ZMYM2: variants seen among roughly 807,000 people sequenced by gnomAD.
ZMYM2 encodes the protein zinc finger MYM-type containing 2, also known as zinc finger MYM-type protein 2.
In ZMYM2, 56 loss-of-function variants were observed where a neutral mutation model predicts 162.8. That is an observed-to-expected ratio of 0.34 (90% CI 0.28 to 0.43). The LOEUF is 0.43. Ranked by LOEUF, ZMYM2 falls within the 20% of genes least tolerant of loss-of-function variation. The probability of loss-of-function intolerance (pLI) is 1.00; values close to 1 mark genes in which losing one functional copy is unlikely to be tolerated. For missense variants in ZMYM2, 1,275 were observed against 1,621.8 expected, an observed-to-expected ratio of 0.79 and a Z score of 3.67; for synonymous variants, 510 against 541.6, an observed-to-expected ratio of 0.94 and a Z score of 0.81.
chr13:19,885,860 A>AT, the ZMYM2 span, among the ~76,000 whole-genome samples: 15,461 of 52,192 alleles, frequency 0.3, 4,393 homozygotes, highest in Non-Finnish European at 0.39. Context: ...AAAAAAAAAA[A>AT]AAATATATAT....
intron 2 of ZMYM2, among the ~76,000 whole-genome samples, chr13:19,984,520 C>G (rs769600855): frequency 6.6e-6 from 1 of 152,142 alleles, no homozygotes; most frequent in Non-Finnish European, 1.5e-5. Context: ...ATTTTTATAC[C>G]ATTTACTGTA....
rs142955254 is a variant in ZMYM2 at position 20,021,447 on chromosome 13, T to C, written c.1584+1829T>C. 4.0e-5 allele frequency among the ~76,000 whole-genome samples: 6 copies of C among 151,736 alleles called. No individual in the cohort carries two copies. The East Asian group carries it at 9.7e-4, about 25-fold the overall frequency. On this transcript the variant is annotated intron_variant, in intron 7 of 24. Transcript: ENST00000610343. Reference sequence around the variant, plus strand: ...TTGTGAATTTCACATTATTGGTTGCTGGATTTTGTTGTATTATTTTAAATG... The same window carrying C: ...TTGTGAATTTCACATTATTGGTTGCCGGATTTTGTTGTATTATTTTAAATG...
At chr13:20,061,612 G>A (rs1049467837) in intron 17 of ZMYM2, among the ~76,000 whole-genome samples, 1 of 150,256 alleles carries the variant, frequency 6.7e-6, no homozygotes, top group African/African-American at 2.4e-5. Context: ...TTTTTTAGAT[G>A]AACTCTTGCT....
the ZMYM2 span, among the ~76,000 whole-genome samples, chr13:19,904,678 A>T: frequency 6.6e-6 from 1 of 152,188 alleles, no homozygotes; most frequent in East Asian, 1.9e-4. Context: ...GAGCATTGTC[A>T]ACATTTTGGC....
At chr13:19,920,913 C>A in the ZMYM2 span, among the ~76,000 whole-genome samples, 2 of 151,808 alleles carry the variant, frequency 1.3e-5, no homozygotes, top group African/African-American at 4.8e-5. Flanking sequence ...CAGGTGCATG[C>A]CACCATGCCC....
At chr13:19,901,018 T>G in the ZMYM2 span, among the ~76,000 whole-genome samples, 2 of 152,140 alleles carry the variant, frequency 1.3e-5, no homozygotes, top group Non-Finnish European at 2.9e-5. Context: ...AGACAGCTAT[T>G]CTCTTCTCAA....
intron 18 of ZMYM2, among the ~76,000 whole-genome samples, chr13:20,063,192 C>T (rs1956360804): frequency 6.6e-6 from 1 of 151,510 alleles, no homozygotes; most frequent in African/African-American, 2.4e-5. Context: ...CACTTGAGTC[C>T]AGGAGTTCAA....
At chr13:19,877,384 G>A in the ZMYM2 span, among the ~76,000 whole-genome samples, 74 of 152,268 alleles carry the variant, frequency 4.9e-4, 1 homozygote, top group African/African-American at 1.6e-3. Context: ...AAGAAAGAGA[G>A]AAAGCAAGAG....
At chr13:19,901,766 C>G in the ZMYM2 span, among the ~76,000 whole-genome samples, 1 of 152,032 alleles carries the variant, frequency 6.6e-6, no homozygotes, top group Admixed American at 6.6e-5. Context: ...TGAGCTACCG[C>G]GCCTGGCCCA....
At chr13:20,051,322 C>CT (rs1955323024) in intron 12 of ZMYM2, 111 bp from the exon 13 acceptor site, 1 of 683,586 alleles carries the variant, frequency 1.5e-6, no homozygotes, top group African/African-American at 2.1e-5. Context: ...TATAGTTCTA[C>CT]TTTTTCTGTA....
At chr13:19,883,715 G>C in the ZMYM2 span, among the ~76,000 whole-genome samples, 2 of 152,164 alleles carry the variant, frequency 1.3e-5, no homozygotes, top group Non-Finnish European at 2.9e-5. Context: ...GTGTAAGACA[G>C]ACTCTTACTT....
the ZMYM2 span, among the ~76,000 whole-genome samples, chr13:19,872,882 A>C: frequency 0.92 from 139,012 of 151,894 alleles, 64,872 homozygotes; most frequent in Non-Finnish European, 1. Context: ...GCCTGGAATC[A>C]CAGTTATTTG....
At chr13:20,048,296 T>TCA (rs1955002778) in intron 12 of ZMYM2, among the ~76,000 whole-genome samples, 1 of 151,262 alleles carries the variant, frequency 6.6e-6, no homozygotes, top group Admixed American at 6.6e-5. Flanking sequence ...CCATTTTTTT[T>TCA]AAAATTTTTT....
chr13:19,993,409 G>T lies in ZMYM2; in HGVS notation c.337G>T (p.Val113Leu). 6.2e-7 allele frequency: 1 copy of T among 1,613,846 alleles called. No individual in the cohort carries two copies. The highest frequency in any genetic ancestry group is 8.5e-7 in the Non-Finnish European group (1 of 1,179,872). The part of the protein sequence containing the change: ...SKELASQKGS[V>L]SETIVIDDEE... ...AGAGTTGGCATCTCAGAAGGGAAGT[G>T]TAAGTGAGACAATTGTCATTGATGA... is the stretch of plus-strand genomic sequence containing the variant. The change falls in exon 3 of 25, where the codon GTA becomes TTA. Residue 113 changes from valine to leucine, a missense_variant. By Grantham distance (32) the Val-to-Leu change is conservative. This residue lies in a region of ZMYM2 where 295 missense variants were observed against 286.7 expected (regional missense o/e 1.03). Transcript: ENST00000610343.
chr13:19,966,554 A>G (rs923934263), intron 2 of ZMYM2, among the ~76,000 whole-genome samples: 9 of 150,570 alleles, frequency 6.0e-5, no homozygotes, highest in Non-Finnish European at 1.0e-4. Flanking sequence ...TCCTGGTTTC[A>G]AGCGTTTCTC....
At chr13:19,922,943 A>G in the ZMYM2 span, among the ~76,000 whole-genome samples, 1 of 151,688 alleles carries the variant, frequency 6.6e-6, no homozygotes, top group Non-Finnish European at 1.5e-5. Flanking sequence ...AATCTCTGGA[A>G]CCTGGGAGGT....
the ZMYM2 span, among the ~76,000 whole-genome samples, chr13:19,918,631 T>A: frequency 5.3e-5 from 8 of 150,690 alleles, no homozygotes. Flanking sequence ...CCTGAGTAGC[T>A]GGGATTACAG....
the ZMYM2 span, among the ~76,000 whole-genome samples, chr13:19,897,159 A>C: frequency 6.6e-6 from 1 of 152,156 alleles, no homozygotes; most frequent in African/African-American, 2.4e-5. Flanking sequence ...GATAGGAGTA[A>C]ATATGGAAAA....
At chr13:19,885,226 A>G in the ZMYM2 span, among the ~76,000 whole-genome samples, 7 of 152,272 alleles carry the variant, frequency 4.6e-5, no homozygotes, top group African/African-American at 1.7e-4. Flanking sequence ...GTGAGCCATG[A>G]TTGTGCCACT....
Sources: allele counts gnomAD v4.1 joint callset (sites outside exome capture counted in the v4.1 genomes callset), GRCh38; gene constraint gnomAD v4.1.1; regional missense constraint gnomAD v4.1.1; transcripts MANE v1.5; gene names NCBI Gene and HGNC (gene_info 2026-07-23, HGNC 2026-07-21).